ERICH3: variants seen among roughly 807,000 people sequenced by gnomAD.
ERICH3 encodes the protein glutamate-rich protein 3.
In ERICH3, 126 loss-of-function variants were observed where a neutral mutation model predicts 131.1. The observed-to-expected ratio is 0.96, with a 90% CI of 0.83 to 1.11. The LOEUF (loss-of-function observed/expected upper bound fraction) is 1.11. Among genes scored for constraint, ERICH3 ranks in the 50% most tolerant of loss-of-function variants. The probability of loss-of-function intolerance (pLI) is 0.00; values close to 1 mark genes in which losing one functional copy is unlikely to be tolerated. For missense variants in ERICH3, 2,050 were observed against 1,810.7 expected, an observed-to-expected ratio of 1.13 and a Z score of -2.40; for synonymous variants, 695 against 644.6, an observed-to-expected ratio of 1.08 and a Z score of -1.18.
chr1:74,665,217 A>C (rs1646679010), intron 1 of ERICH3, among the ~76,000 whole-genome samples: 3 of 151,802 alleles, frequency 2.0e-5, no homozygotes, highest in Admixed American at 2.0e-4. Context: ...CGTCTCAAAA[A>C]AAAAAACAGC....
chr1:74,673,160 A>G (rs1352197770), intron 1 of ERICH3, among the ~76,000 whole-genome samples: 1 of 152,186 alleles, frequency 6.6e-6, no homozygotes, highest in Non-Finnish European at 1.5e-5. Context: ...TTTTGCATCT[A>G]AACACACATG....
intron 10 of ERICH3, among the ~76,000 whole-genome samples, chr1:74,606,131 A>G (rs1648381468): frequency 1.3e-5 from 2 of 151,928 alleles, no homozygotes; most frequent in South Asian, 4.2e-4. Flanking sequence ...AAAGAAAAAA[A>G]GCAGACAGAT....
chr1:74,645,417 T>C (rs900015681), intron 3 of ERICH3, among the ~76,000 whole-genome samples: 1 of 151,642 alleles, frequency 6.6e-6, no homozygotes, highest in Non-Finnish European at 1.5e-5. Context: ...TTATTTATTC[T>C]ATTATGTAAC....
intron 1 of ERICH3, among the ~76,000 whole-genome samples, chr1:74,672,169 G>A (rs548212378): frequency 6.6e-6 from 1 of 152,254 alleles, no homozygotes; most frequent in Admixed American, 6.5e-5. Context: ...GAAAAACATA[G>A]GAAGACAACC....
intron 1 of ERICH3, among the ~76,000 whole-genome samples, chr1:74,658,710 G>C (rs766791019): frequency 1.3e-5 from 2 of 152,056 alleles, no homozygotes; most frequent in Non-Finnish European, 2.9e-5. Context: ...AAGTCATGCT[G>C]TTTCTAACCA....
At position 74,606,626 on chromosome 1, in the gene ERICH3, G is replaced by A. The variant is rs772724576; in HGVS notation, c.1464C>T (p.Asp488=). The A allele has an allele frequency of 1.9e-5, 30 of 1,608,018 alleles. No homozygotes were observed. Among genetic ancestry groups the A allele is most frequent in the Admixed American group, 8.5e-5 (5 of 59,068 alleles). ...KGKPGQEVLE[D]DQENTLKYEY... ...CATATTTTAAAGTATTTTCCTGGTC[G>A]TCTTCCAAGACTTCTTGTCCTGGTT... The change falls in exon 10 of 15, where the codon GAC becomes GAT. Residue 488 remains aspartate (D), a synonymous_variant. Coordinates refer to ENST00000326665, the MANE Select transcript of ERICH3 (RefSeq NM_001002912.5).
intron 11 of ERICH3, among the ~76,000 whole-genome samples, chr1:74,595,800 C>T (rs564610379): frequency 5.9e-5 from 9 of 152,058 alleles, no homozygotes; most frequent in East Asian, 1.9e-4. Context: ...CTTCCTACTT[C>T]GACAATTGAA....
intron 1 of ERICH3, among the ~76,000 whole-genome samples, chr1:74,672,891 T>A (rs547952549): frequency 1.3e-5 from 2 of 152,218 alleles, no homozygotes; most frequent in East Asian, 3.9e-4. Context: ...CTGAAGATCA[T>A]GAGTAAATAC....
chr1:74,673,397 C>T (rs1646759659), intron 1 of ERICH3, 100 bp downstream of exon 1: 2 of 1,451,480 alleles, frequency 1.4e-6, no homozygotes, highest in African/African-American at 1.4e-5. Context: ...CCCCCTCGCT[C>T]CCCTCTCGCC....
Position 74,612,951 on chromosome 1 carries a change from GGAA to G in ERICH3, c.1001-145_1001-143del, listed in dbSNP as rs964693556. 179 of 573,188 alleles carry G rather than the reference GGAA, an allele frequency of 3.1e-4. 1 individual carries two copies. The highest frequency in any genetic ancestry group is 7.8e-4 in the African/African-American group (42 of 53,828). The allele number at this position is 573,188 out of a possible 1,614,324, so 35.5% of individuals were successfully genotyped here. Reference sequence around the variant, plus strand: ...TCTTTTGGCTTCCCTGGTCCACACTGGAAGAAGAAGAATTGTCTTGGGTCACAT... The same window carrying G: ...TCTTTTGGCTTCCCTGGTCCACACTGGAAGAAGAATTGTCTTGGGTCACAT... On this transcript the variant is annotated intron_variant, in intron 8 of 14. Transcript: ENST00000326665.
intron 12 of ERICH3, among the ~76,000 whole-genome samples, chr1:74,584,087 A>T (rs915231116): frequency 6.6e-6 from 1 of 152,146 alleles, no homozygotes; most frequent in South Asian, 2.1e-4. Flanking sequence ...TAGCCAGTCG[A>T]TTACCTTCCC....
Position 74,606,873 on chromosome 1 carries a change from T to G in ERICH3, c.1217A>C (p.Lys406Thr). The change falls in exon 10 of 15, where the codon AAA becomes ACA. Residue 406 changes from lysine (K) to threonine (T), a missense_variant. By Grantham distance (78) the Lys-to-Thr change is moderately conservative (BLOSUM62 -1). Coordinates refer to ENST00000326665, the MANE Select transcript of ERICH3 (RefSeq NM_001002912.5). ...TTTCCTAGATTTCGGCAAAGACGGT[T>G]TTTTGTCAAGGCCCATTGCAATAAT... ...KCIIAMGLDK[K>T]PSLPKSRKEK... is the part of the protein sequence containing the mutation. The G allele has an allele frequency of 1.2e-6, 2 of 1,612,318 alleles. No individual in the cohort carries two copies. Among genetic ancestry groups the G allele is most frequent in the Non-Finnish European group, 1.7e-6 (2 of 1,179,140 alleles).
chr1:74,631,054 C>T (rs1646326618), intron 7 of ERICH3, among the ~76,000 whole-genome samples: 1 of 152,010 alleles, frequency 6.6e-6, no homozygotes, highest in South Asian at 2.1e-4. Flanking sequence ...CATGCTGGCA[C>T]TTCACTTCCT....
At chr1:74,607,850 T>C (rs1165351272) in intron 9 of ERICH3, among the ~76,000 whole-genome samples, 1 of 151,936 alleles carries the variant, frequency 6.6e-6, no homozygotes, top group Non-Finnish European at 1.5e-5. Context: ...TTAATAAAAA[T>C]GATGATTATG....
intron 7 of ERICH3, among the ~76,000 whole-genome samples, chr1:74,630,680 G>T (rs1646315987): frequency 6.6e-6 from 1 of 152,076 alleles, no homozygotes; most frequent in African/African-American, 2.4e-5. Flanking sequence ...GAAATAATTT[G>T]CTCCTTTATC....
intron 1 of ERICH3, among the ~76,000 whole-genome samples, chr1:74,671,026 AT>A (rs200338213): frequency 2.0e-5 from 3 of 150,844 alleles, no homozygotes; most frequent in South Asian, 2.1e-4. Flanking sequence ...GTGGGGGAAA[AT>A]CTCCGCCCTG....
At chr1:74,586,725 G>T (rs910520127) in intron 12 of ERICH3, among the ~76,000 whole-genome samples, 1 of 152,074 alleles carries the variant, frequency 6.6e-6, no homozygotes, top group Non-Finnish European at 1.5e-5. Context: ...GCTAAATTAT[G>T]AGAAAACCAC....
At chr1:74,622,596 A>G (rs1444467016) in intron 7 of ERICH3, 1 of 152,242 alleles carries the variant, frequency 6.6e-6, no homozygotes, top group African/African-American at 2.4e-5. Context: ...GAAGTGACTG[A>G]TTAAATAAAA....
At chr1:74,586,225 C>T (rs1647322608) in intron 12 of ERICH3, among the ~76,000 whole-genome samples, 1 of 151,928 alleles carries the variant, frequency 6.6e-6, no homozygotes, top group South Asian at 2.1e-4. Context: ...GAGAAGTGTG[C>T]TTATGTGACA....
Sources: allele counts gnomAD v4.1 joint callset (sites outside exome capture counted in the v4.1 genomes callset), GRCh38; gene constraint gnomAD v4.1.1; transcripts MANE v1.5; gene names NCBI Gene and HGNC (gene_info 2026-07-23, HGNC 2026-07-21).